GRIN2A: variants seen among roughly 807,000 people sequenced by gnomAD.
GRIN2A encodes the protein glutamate ionotropic receptor NMDA type subunit 2A, also known as glutamate receptor ionotropic, NMDA 2A.
A neutral mutation model predicts 113.4 loss-of-function variants in GRIN2A; 22 were observed. The ratio of observed to expected loss-of-function variants is 0.19; its 90% CI spans 0.14 to 0.28. The LOEUF is 0.28. GRIN2A is among the 10% of genes least tolerant of loss of function. The pLI, the probability that GRIN2A is intolerant of heterozygous loss-of-function variation, is 1.00. For synonymous variants in GRIN2A, 827 were observed against 738.4 expected (o/e 1.12, Z -1.94); for missense variants, 1,502 against 1,887.0 (o/e 0.80, Z 3.78).
At chr16:10,078,343 G>A (rs1220338813) in intron 2 of GRIN2A, among the ~76,000 whole-genome samples, 2 of 151,978 alleles carry the variant, frequency 1.3e-5, no homozygotes, top group African/African-American at 4.8e-5. Flanking sequence ...CCACACTCTC[G>A]GTGGGTATAA....
intron 3 of GRIN2A, among the ~76,000 whole-genome samples, chr16:9,911,698 C>T (rs2044141121): frequency 6.6e-6 from 1 of 152,138 alleles, no homozygotes; most frequent in African/African-American, 2.4e-5. Context: ...AGGTCTGTCT[C>T]CTAACCTGTG....
chr16:10,181,126 G>A (rs568577662), intron 1 of GRIN2A, among the ~76,000 whole-genome samples: 1 of 68,758 alleles, frequency 1.5e-5, no homozygotes, highest in Non-Finnish European at 3.3e-5. Context: ...GGGGAACTTG[G>A]GGCTCGCCCC....
rs538992340 is a variant in GRIN2A, at chr16:9,977,309, A to T, written c.415-38758T>A. Among the ~76,000 whole-genome samples, 12 of 106,498 alleles carry T rather than the reference A, an allele frequency of 1.1e-4. No homozygotes were observed. The East Asian group carries it at 2.5e-3, about 22-fold the overall frequency. The allele number at this position is 106,498 out of a possible 152,430, so 69.9% of individuals were successfully genotyped here. On this transcript the variant is annotated intron_variant, in intron 2 of 12. Transcript: ENST00000330684. ...TCTTGGAGCAAGGGAGGAAGGGGGG[A>T]GGGAGGGAGGACTGACCGGAGTTTG...
At chr16:9,964,574 G>A (rs1001057000) in intron 2 of GRIN2A, among the ~76,000 whole-genome samples, 7 of 152,132 alleles carry the variant, frequency 4.6e-5, no homozygotes, top group Non-Finnish European at 1.0e-4. Flanking sequence ...CTTTCCGGAG[G>A]CCGTAGGGGA....
intron 10 of GRIN2A, among the ~76,000 whole-genome samples, chr16:9,818,727 C>A (rs1404840889): frequency 6.6e-6 from 1 of 152,024 alleles, no homozygotes; most frequent in African/African-American, 2.4e-5. Context: ...TACCTATTAG[C>A]AAAATTTTGA....
intron 2 of GRIN2A, among the ~76,000 whole-genome samples, chr16:10,137,056 T>G (rs1397865736): frequency 6.6e-6 from 1 of 152,192 alleles, no homozygotes; most frequent in Non-Finnish European, 1.5e-5. Flanking sequence ...GACAACGGAC[T>G]GGAGTGCTTA....
chr16:9,925,747 A>G (rs1194149769), intron 3 of GRIN2A, among the ~76,000 whole-genome samples: 1 of 152,196 alleles, frequency 6.6e-6, no homozygotes, highest in South Asian at 2.1e-4. Context: ...TGTAGGGGAT[A>G]TTACAGTCCA....
chr16:10,171,180 A>T (rs1379641294), intron 2 of GRIN2A, among the ~76,000 whole-genome samples: 1 of 152,260 alleles, frequency 6.6e-6, no homozygotes, highest in Non-Finnish European at 1.5e-5. Flanking sequence ...AAATAAGAGC[A>T]AAAGAATAAG....
At chr16:10,008,385 G>A (rs912340692) in intron 2 of GRIN2A, among the ~76,000 whole-genome samples, 21 of 152,226 alleles carry the variant, frequency 1.4e-4, no homozygotes, top group Non-Finnish European at 2.4e-4. Flanking sequence ...GTTGACCACA[G>A]GGAGTAGTAA....
intron 3 of GRIN2A, chr16:9,937,686 A>C (rs921937305): frequency 2.1e-6 from 1 of 486,146 alleles, no homozygotes; most frequent in Non-Finnish European, 3.8e-6. Context: ...AGCCATAGAC[A>C]GACAGACAGA....
At chr16:10,179,893 C>CCCCAAACAAA in intron 2 of GRIN2A, 105 bp downstream of exon 2, 5 of 719,816 alleles carry the variant, frequency 6.9e-6, no homozygotes, top group East Asian at 3.6e-5. Flanking sequence ...CCCCCACCCC[C>CCCCAAACAAA]ACTTCACATC....
At position 9,996,863 on chromosome 16, in the gene GRIN2A, T is replaced by C. The variant is rs570454003; in HGVS notation, c.415-58312A>G. Among the ~76,000 whole-genome samples, 6 of 152,300 alleles carry C rather than the reference T, an allele frequency of 3.9e-5. No homozygotes were observed. In the East Asian group the frequency reaches 5.8e-4, roughly 15 times the overall value. On this transcript the variant is annotated intron_variant, in intron 2 of 12. Coordinates refer to ENST00000330684, the MANE Select transcript of GRIN2A (RefSeq NM_001134407.3). ...CAAAGAAAACAGAATAAAAATAAAA[T>C]GTTCATTTTTCTGGTCTGATTCCTC...
intron 2 of GRIN2A, among the ~76,000 whole-genome samples, chr16:9,976,185 T>C (rs565430039): frequency 6.6e-6 from 1 of 152,348 alleles, no homozygotes; most frequent in African/African-American, 2.4e-5. Context: ...GTCACTTACA[T>C]AAATAATCAC....
At chr16:9,944,084 C>CACCCAT (rs1238608085) in intron 2 of GRIN2A, among the ~76,000 whole-genome samples, 1 of 152,162 alleles carries the variant, frequency 6.6e-6, no homozygotes, top group Non-Finnish European at 1.5e-5. Context: ...GTCAACCCCA[C>CACCCAT]ACCCATTTCC....
In GRIN2A at chr16:9,989,454, G is replaced by A. The variant is rs376717206; in HGVS notation, c.415-50903C>T. 3.6e-3 allele frequency among the ~76,000 whole-genome samples: 540 copies of A among 152,080 alleles called. 4 individuals are homozygous for A. Among genetic ancestry groups the A allele is most frequent in the African/African-American group, 0.012 (509 of 41,488 alleles). ...TAAAAAAATCCTAGAAGAAACCTAG[G>A]AAATACTGTTCTGGACATTAGCCTA... On this transcript the variant is annotated intron_variant, in intron 2 of 12. Coordinates refer to ENST00000330684, the MANE Select transcript of GRIN2A (RefSeq NM_001134407.3).
intron 2 of GRIN2A, among the ~76,000 whole-genome samples, chr16:10,081,007 T>G (rs1275847402): frequency 6.6e-6 from 1 of 152,100 alleles, no homozygotes; most frequent in Admixed American, 6.5e-5. Flanking sequence ...CAATTCTGAG[T>G]TGTACCTGAG....
At chr16:9,902,940 G>GT (rs34185441) in intron 3 of GRIN2A, among the ~76,000 whole-genome samples, 885 of 50,630 alleles carry the variant, frequency 0.017, 111 homozygotes, top group Non-Finnish European at 0.023. Flanking sequence ...TCTTGGTTCT[G>GT]TTTTTTTTTT....
intron 2 of GRIN2A, among the ~76,000 whole-genome samples, chr16:9,940,017 TGAGA>T (rs71402418): frequency 3.8e-3 from 510 of 134,420 alleles, no homozygotes; most frequent in Middle Eastern, 7.3e-3. Context: ...GGGATTCCAC[TGAGA>T]GAGAGAGAGA....
chr16:10,060,446 G>A (rs968774358), intron 2 of GRIN2A, among the ~76,000 whole-genome samples: 38 of 152,228 alleles, frequency 2.5e-4, no homozygotes, highest in African/African-American at 8.2e-4. Flanking sequence ...GGGTTCCTCC[G>A]CTAGCCAGTG....
Sources: allele counts gnomAD v4.1 joint callset (sites outside exome capture counted in the v4.1 genomes callset), GRCh38; gene constraint gnomAD v4.1.1; transcripts MANE v1.5; gene names NCBI Gene and HGNC (gene_info 2026-07-23, HGNC 2026-07-21).